The following KLF17 variants were observed in gnomAD, a reference collection of about 807,000 sequenced individuals.
KLF17 encodes the protein KLF transcription factor 17, also known as Krueppel-like factor 17.
A neutral mutation model predicts 34.2 loss-of-function variants in KLF17; 31 were observed. That is an observed-to-expected ratio of 0.91 (90% CI 0.68 to 1.22). The LOEUF (loss-of-function observed/expected upper bound fraction) is 1.22. Among genes scored for constraint, KLF17 ranks in the 50% most tolerant of loss-of-function variants. KLF17 has a pLI of 0.00. For synonymous variants in KLF17, 179 were observed against 186.7 expected (o/e 0.96, Z 0.34); for missense variants, 478 against 505.2 (o/e 0.95, Z 0.52).
chr1:44,076,809 C>T, the KLF17 span: 1 of 150,744 alleles, frequency 6.6e-6, no homozygotes, highest in Admixed American at 6.6e-5. Flanking sequence ...ACTGAAACCT[C>T]GAACTCCTGG....
the KLF17 span, chr1:44,076,521 A>G: frequency 2.6e-5 from 4 of 152,296 alleles, no homozygotes; most frequent in East Asian, 1.9e-4. Flanking sequence ...GGAAATTCCT[A>G]TTACTCCACC....
At chr1:44,128,643 A>G (rs1207336704) in intron 1 of KLF17, among the ~76,000 whole-genome samples, 1 of 151,962 alleles carries the variant, frequency 6.6e-6, no homozygotes, top group Non-Finnish European at 1.5e-5. Flanking sequence ...TGCAGCCTCA[A>G]TTCCTTTCAT....
chr1:44,133,890 A>G lies in KLF17; in HGVS notation c.*653A>G, dbSNP rs777074770. On this transcript the variant is annotated 3_prime_UTR_variant, in exon 4 of 4. Coordinates refer to ENST00000372299, the MANE Select transcript of KLF17 (RefSeq NM_173484.4). Reference sequence around the variant, plus strand: ...GAAGTGGCTCATTTATGACCCATTCACTAGCCCCAGGGATTGAAGTCTTGG... The same window carrying G: ...GAAGTGGCTCATTTATGACCCATTCGCTAGCCCCAGGGATTGAAGTCTTGG... 5 of 152,232 alleles carry G rather than the reference A, an allele frequency of 3.3e-5. No homozygotes were observed. Among genetic ancestry groups the G allele is most frequent in the Non-Finnish European group, 7.3e-5 (5 of 68,070 alleles). 9.4% of individuals were successfully genotyped at this position (152,232 alleles called of 1,614,324 possible).
chr1:44,055,072 C>A, the KLF17 span, among the ~76,000 whole-genome samples: 2 of 152,196 alleles, frequency 1.3e-5, no homozygotes, highest in Non-Finnish European at 2.9e-5. Context: ...AGCCACCATG[C>A]CTGGCCCAGT....
At chr1:44,048,535 A>C in the KLF17 span, 1 of 152,210 alleles carries the variant, frequency 6.6e-6, no homozygotes, top group Non-Finnish European at 1.5e-5. Flanking sequence ...TGGAGAAGGT[A>C]CTGCACTCTT....
chr1:44,117,465 A>ATTTTATTTTAT (rs869175404), upstream of KLF17: 3 of 63,422 alleles, frequency 4.7e-5, no homozygotes, highest in Non-Finnish European at 1.1e-4. Flanking sequence ...ATTTTATTTT[A>ATTTTATTTTAT]TTTATTTTAT....
At chr1:44,100,798 G>C in the KLF17 span, among the ~76,000 whole-genome samples, 1 of 152,120 alleles carries the variant, frequency 6.6e-6, no homozygotes, top group Non-Finnish European at 1.5e-5. Context: ...GGGATTACAG[G>C]TGTGAGCCAC....
chr1:44,122,980 C>T (rs2087965897), intron 1 of KLF17, among the ~76,000 whole-genome samples: 1 of 152,140 alleles, frequency 6.6e-6, no homozygotes. Context: ...TAATATTTAA[C>T]TGCAATTATT....
At chr1:44,111,097 C>T in the KLF17 span, among the ~76,000 whole-genome samples, 1 of 152,068 alleles carries the variant, frequency 6.6e-6, no homozygotes, top group Non-Finnish European at 1.5e-5. Context: ...ATTAATCTTC[C>T]TACTTAAGCC....
chr1:44,129,242 C>A, intron 1 of KLF17, 111 bp from the exon 2 acceptor site: 1 of 1,307,492 alleles, frequency 7.6e-7, no homozygotes, highest in Non-Finnish European at 1.0e-6. Context: ...CAGGATAATT[C>A]AAGCAAGAGA....
At chr1:44,112,688 G>A in the KLF17 span, among the ~76,000 whole-genome samples, 1 of 152,164 alleles carries the variant, frequency 6.6e-6, no homozygotes, top group South Asian at 2.1e-4. Context: ...GATTATGGAT[G>A]TGAGTCACCG....
chr1:44,102,430 G>C, the KLF17 span, among the ~76,000 whole-genome samples: 1 of 151,946 alleles, frequency 6.6e-6, no homozygotes, highest in Non-Finnish European at 1.5e-5. Context: ...GTGGGCACCT[G>C]TAATCCTAGC....
the KLF17 span, among the ~76,000 whole-genome samples, chr1:44,108,660 C>CTTTTTTTTTTTTTTTTTT: frequency 2.7e-5 from 2 of 75,334 alleles, no homozygotes; most frequent in African/African-American, 5.5e-5. Context: ...TTTGTTAGCT[C>CTTTTTTTTTTTTTTTTTT]TTTTTTTTTT....
chr1:44,103,910 C>A, the KLF17 span: 1 of 826,396 alleles, frequency 1.2e-6, no homozygotes, highest in Non-Finnish European at 2.1e-6. Flanking sequence ...CCAGCGCCTG[C>A]AGCTTCTCAT....
At chr1:44,081,417 GT>G in the KLF17 span, among the ~76,000 whole-genome samples, 3,484 of 140,392 alleles carry the variant, frequency 0.025, 32 homozygotes, top group Non-Finnish European at 0.039. Context: ...CCCCATGGTA[GT>G]TTTTTTTTTT....
chr1:44,075,280 C>T, the KLF17 span, among the ~76,000 whole-genome samples: 1 of 152,172 alleles, frequency 6.6e-6, no homozygotes, highest in Non-Finnish European at 1.5e-5. Flanking sequence ...GGTCTCAATT[C>T]TCAATCTGGT....
the KLF17 span, among the ~76,000 whole-genome samples, chr1:44,092,173 T>C: frequency 6.6e-6 from 1 of 151,706 alleles, no homozygotes; most frequent in Non-Finnish European, 1.5e-5. Flanking sequence ...AGAAACACCA[T>C]CTCTACTTAA....
chr1:44,059,035 T>C, the KLF17 span, among the ~76,000 whole-genome samples: 1 of 152,166 alleles, frequency 6.6e-6, no homozygotes, highest in Non-Finnish European at 1.5e-5. Flanking sequence ...CAGGTGTTGT[T>C]GAGTACACCT....
chr1:44,099,231 C>A, the KLF17 span, among the ~76,000 whole-genome samples: 1 of 150,910 alleles, frequency 6.6e-6, no homozygotes, highest in Non-Finnish European at 1.5e-5. Flanking sequence ...CCATCAAACC[C>A]CGTCTCCACA....
Sources: gnomAD v4.1 joint callset for allele counts (sites outside exome capture counted in the v4.1 genomes callset) on GRCh38, gnomAD v4.1.1 for gene constraint, MANE v1.5 for transcripts, NCBI Gene and HGNC (gene_info 2026-07-23, HGNC 2026-07-21) for gene names.